ANKRD30B: variants seen among roughly 807,000 people sequenced by gnomAD.
ANKRD30B encodes ankyrin repeat domain-containing protein 30B.
ANKRD30B carries 144 observed loss-of-function variants against 202.2 expected under a neutral mutation model. The observed-to-expected ratio is 0.71, with a 90% CI of 0.62 to 0.82. The LOEUF (loss-of-function observed/expected upper bound fraction) is 0.82, where lower values mean the gene tolerates loss of function less well. Ranked by LOEUF, ANKRD30B falls within the 40% of genes least tolerant of loss-of-function variation. The probability of loss-of-function intolerance (pLI) is 0.00; values close to 1 mark genes in which losing one functional copy is unlikely to be tolerated. For missense variants in ANKRD30B, 1,487 were observed against 1,669.1 expected (o/e 0.89, Z 1.90); for synonymous variants, 508 against 561.3 (o/e 0.91, Z 1.34).
intron 15 of ANKRD30B, among the ~76,000 whole-genome samples, chr18:14,789,178 T>A (rs957528451): frequency 1.3e-5 from 2 of 152,256 alleles, no homozygotes; most frequent in Non-Finnish European, 1.5e-5. Flanking sequence ...GTTTTTTGGA[T>A]GCATAAATGT....
At chr18:14,932,400 G>C in the ANKRD30B span, among the ~76,000 whole-genome samples, 1 of 151,964 alleles carries the variant, frequency 6.6e-6, no homozygotes, top group Non-Finnish European at 1.5e-5. Context: ...GGCGTGGCGC[G>C]ATCTCGGCTC....
intron 15 of ANKRD30B, among the ~76,000 whole-genome samples, chr18:14,789,760 T>A (rs1968339213): frequency 6.6e-6 from 1 of 152,222 alleles, no homozygotes; most frequent in Non-Finnish European, 1.5e-5. Flanking sequence ...ATCTCTGTTT[T>A]GGTACCAGTA....
the ANKRD30B span, among the ~76,000 whole-genome samples, chr18:14,898,250 T>C: frequency 2.0e-5 from 3 of 152,114 alleles, no homozygotes; most frequent in African/African-American, 7.2e-5. Context: ...TTCTGGGGTA[T>C]GGTGTGAGAC....
At chr18:14,809,550 G>A (rs1969783756) in intron 26 of ANKRD30B, among the ~76,000 whole-genome samples, 3 of 150,836 alleles carry the variant, frequency 2.0e-5, no homozygotes, top group South Asian at 2.1e-4. Flanking sequence ...CCATGCATCT[G>A]TTTATAGGCT....
intron 40 of ANKRD30B, among the ~76,000 whole-genome samples, chr18:14,849,869 G>T (rs879699667): frequency 8.6e-5 from 13 of 151,408 alleles, no homozygotes; most frequent in Non-Finnish European, 1.3e-4. Flanking sequence ...TAAATGATCT[G>T]TCCTCACTGA....
chr18:14,909,821 T>G, the ANKRD30B span: 2 of 152,198 alleles, frequency 1.3e-5, no homozygotes, highest in Non-Finnish European at 2.9e-5. Context: ...GATTTGTATT[T>G]CAGGGTTGTT....
At chr18:14,852,477 C>G (rs1971933934) in intron 42 of ANKRD30B, 57 bp downstream of exon 42, 5 of 1,486,070 alleles carry the variant, frequency 3.4e-6, no homozygotes, top group Non-Finnish European at 3.6e-6. Flanking sequence ...GTGGCCTTGG[C>G]TAAATGCTGA....
the ANKRD30B span, chr18:14,910,094 A>T: frequency 6.6e-6 from 1 of 152,218 alleles, no homozygotes; most frequent in Non-Finnish European, 1.5e-5. Flanking sequence ...AAAATTTTTA[A>T]ATTTCATTTT....
At chr18:14,830,379 ATAAG>A (rs1438088537) in intron 33 of ANKRD30B, 2 of 152,502 alleles carry the variant, frequency 1.3e-5, no homozygotes, top group Non-Finnish European at 2.9e-5. Flanking sequence ...AAAGTATAAA[ATAAG>A]TAGTTAGACT....
chr18:14,770,483 T>C (rs1441187344), intron 8 of ANKRD30B, among the ~76,000 whole-genome samples: 2 of 152,100 alleles, frequency 1.3e-5, no homozygotes, highest in Non-Finnish European at 2.9e-5. Flanking sequence ...GAAGAGGGAA[T>C]GGGTCTAATT....
chr18:14,866,625 T>C, the ANKRD30B span, among the ~76,000 whole-genome samples: 2 of 152,080 alleles, frequency 1.3e-5, no homozygotes, highest in Non-Finnish European at 2.9e-5. Context: ...GTTAGAGTAG[T>C]AGAAAGATGG....
rs533612240 is a variant in ANKRD30B at position 14,850,258 on chromosome 18, T to C, written c.3440T>C (p.Ile1147Thr). The change falls in exon 41 of 44, where the codon ATA (isoleucine) becomes ACA (threonine). Residue 1147 changes from isoleucine (I) to threonine (T), a missense_variant. By Grantham distance (89) the Ile-to-Thr change is moderately conservative. This residue lies in a region of ANKRD30B where 177 missense variants were observed against 216.4 expected (regional missense o/e 0.82). Transcript: ENST00000690538. ...GAAGAGAAGAGAAGAAATGTCGATA[T>C]ATTAAAAGAAAAAATTAGACCCGAA... ...QEEEKRRNVDILKEKIRPEEQ... is the reference protein window; with the variant it reads ...QEEEKRRNVDTLKEKIRPEEQ... 3.8e-6 allele frequency: 6 copies of C among 1,588,940 alleles called. No homozygotes were observed. Among genetic ancestry groups the C allele is most frequent in the Admixed American group, 1.8e-5 (1 of 54,616 alleles).
rs527758395 is a variant in ANKRD30B, at chr18:14,788,754, A to G, written c.1734+1654A>G. 2.0e-5 allele frequency among the ~76,000 whole-genome samples: 3 copies of G among 151,962 alleles called. No homozygotes were observed. In the South Asian group the frequency reaches 6.3e-4, roughly 32 times the overall value. Reference sequence around the variant, plus strand: ...ATTTTTTATGGCTGCATAGTAATCCATGGTGTATATGTGCCACATTTTCTT... The same window carrying G: ...ATTTTTTATGGCTGCATAGTAATCCGTGGTGTATATGTGCCACATTTTCTT... On this transcript the variant is annotated intron_variant, in intron 15 of 43. Transcript: ENST00000690538.
intron 20 of ANKRD30B, among the ~76,000 whole-genome samples, chr18:14,798,666 T>C (rs2143987086): frequency 6.6e-6 from 1 of 152,246 alleles, no homozygotes; most frequent in South Asian, 2.1e-4. Flanking sequence ...CGTCCATTTA[T>C]AGGCTCTCCA....
At chr18:14,795,414 T>A (rs2143957725) in intron 16 of ANKRD30B, among the ~76,000 whole-genome samples, 1 of 152,284 alleles carries the variant, frequency 6.6e-6, no homozygotes, top group East Asian at 1.9e-4. Flanking sequence ...CCAGGCTGCT[T>A]TGGAACTCCT....
At position 14,837,362 on chromosome 18, in the gene ANKRD30B, T is replaced by C. The variant is rs1224127720; in HGVS notation, c.2926+73T>C. On this transcript the variant is annotated intron_variant, in intron 35 of 43. Coordinates refer to ENST00000690538, the MANE Select transcript of ANKRD30B (RefSeq NM_001367607.2). The stretch of plus-strand genomic sequence containing the variant: ...TAGTGAATATCTCTGAAAATTTTTC[T>C]ATGTTTAAATGCTGTTATATAGAAA... 1.4e-5 allele frequency: 19 copies of C among 1,326,106 alleles called. No homozygotes were observed. In the East Asian group the frequency reaches 4.6e-4, roughly 32 times the overall value. 82.1% of individuals were successfully genotyped at this position (1,326,106 alleles called of 1,614,324 possible).
chr18:14,761,631 G>A (rs9709617), intron 6 of ANKRD30B, among the ~76,000 whole-genome samples: 2,779 of 152,274 alleles, frequency 0.018, 107 homozygotes, highest in African/African-American at 0.063. Flanking sequence ...GGAGATTTGT[G>A]TCTATGTCCT....
intron 36 of ANKRD30B, among the ~76,000 whole-genome samples, chr18:14,838,108 C>A (rs551163720): frequency 6.6e-6 from 1 of 152,360 alleles, no homozygotes; most frequent in African/African-American, 2.4e-5. Flanking sequence ...CTGCATAGTG[C>A]AATTCTGCTA....
chr18:14,913,151 C>G, the ANKRD30B span, among the ~76,000 whole-genome samples: 1 of 152,234 alleles, frequency 6.6e-6, no homozygotes, highest in African/African-American at 2.4e-5. Context: ...ATCTGTGGCC[C>G]TTTAATGCAC....
Sources: gnomAD v4.1 joint callset for allele counts (sites outside exome capture counted in the v4.1 genomes callset) on GRCh38, gnomAD v4.1.1 for gene constraint, gnomAD v4.1.1 regional missense constraint, MANE v1.5 for transcripts, NCBI Gene and HGNC (gene_info 2026-07-23, HGNC 2026-07-21) for gene names.